TFDP2: variants seen among roughly 807,000 people sequenced by gnomAD.
TFDP2 encodes transcription factor Dp-2 (E2F dimerization partner 2).
In TFDP2, 17 loss-of-function variants were observed where a neutral mutation model predicts 59.3. The observed-to-expected ratio is 0.29, with a 90% CI of 0.20 to 0.43. TFDP2 has a LOEUF of 0.43. Ranked by LOEUF, TFDP2 falls within the 20% of genes least tolerant of loss-of-function variation. The probability of loss-of-function intolerance (pLI) is 1.00; values close to 1 mark genes in which losing one functional copy is unlikely to be tolerated. For synonymous variants in TFDP2, 180 were observed against 194.7 expected (o/e 0.92, Z 0.63); for missense variants, 391 against 528.8 (o/e 0.74, Z 2.56).
chr3:141,992,348 T>C (rs1185781733), intron 6 of TFDP2, among the ~76,000 whole-genome samples: 1 of 152,186 alleles, frequency 6.6e-6, no homozygotes, highest in Non-Finnish European at 1.5e-5. Flanking sequence ...ACTATAAATT[T>C]AACCTAACAC....
Position 141,962,405 on chromosome 3 carries a change from C to A in TFDP2, c.884+1407G>T, listed in dbSNP as rs375957678. Reference sequence around the variant, plus strand: ...ACAGAGTCTTGCTCTGTCGTCCAGGCTGGAGTGTAGTGGCACAATCTCGGT... The same window carrying A: ...ACAGAGTCTTGCTCTGTCGTCCAGGATGGAGTGTAGTGGCACAATCTCGGT... On this transcript the variant is annotated intron_variant, in intron 10 of 12. Coordinates refer to ENST00000489671, the MANE Select transcript of TFDP2 (RefSeq NM_001178139.2). 8.5e-5 allele frequency among the ~76,000 whole-genome samples: 13 copies of A among 152,052 alleles called. No individual in the cohort carries two copies. In the East Asian group the frequency reaches 2.1e-3, roughly 25 times the overall value.
intron 3 of TFDP2, among the ~76,000 whole-genome samples, chr3:142,053,189 T>C (rs182398511): frequency 3.1e-4 from 47 of 152,324 alleles, no homozygotes; most frequent in Non-Finnish European, 5.7e-4. Context: ...ATAGTTTAGA[T>C]GTTTGTCCGC....
intron 2 of TFDP2, among the ~76,000 whole-genome samples, chr3:142,099,116 A>C (rs370922820): frequency 6.6e-6 from 1 of 152,190 alleles, no homozygotes; most frequent in Non-Finnish European, 1.5e-5. Context: ...TAAGAGGGCA[A>C]TCTCTTCCCT....
At chr3:142,141,490 C>T (rs976692986) in intron 1 of TFDP2, among the ~76,000 whole-genome samples, 5 of 152,164 alleles carry the variant, frequency 3.3e-5, no homozygotes, top group Non-Finnish European at 5.9e-5. Context: ...TGTTCCTATT[C>T]GGCCATCTTG....
At chr3:142,033,354 C>A (rs1257256313) in intron 3 of TFDP2, among the ~76,000 whole-genome samples, 1 of 152,182 alleles carries the variant, frequency 6.6e-6, no homozygotes, top group East Asian at 1.9e-4. Flanking sequence ...TTCTATTAAA[C>A]ATCTCTGATC....
chr3:142,070,201 C>G (rs2060200691), intron 3 of TFDP2, among the ~76,000 whole-genome samples: 1 of 152,212 alleles, frequency 6.6e-6, no homozygotes, highest in South Asian at 2.1e-4. Flanking sequence ...GCCACCGCAC[C>G]TGGCCCAAAC....
intron 6 of TFDP2, among the ~76,000 whole-genome samples, chr3:141,981,630 T>C (rs1279877492): frequency 1.3e-5 from 2 of 152,176 alleles, no homozygotes; most frequent in Non-Finnish European, 2.9e-5. Context: ...TAATGTGAAA[T>C]CACTAAAATA....
chr3:142,015,392 T>C (rs1053930398), intron 3 of TFDP2, among the ~76,000 whole-genome samples: 1 of 152,320 alleles, frequency 6.6e-6, no homozygotes, highest in East Asian at 1.9e-4. Flanking sequence ...AAAATCTAAC[T>C]CTGGACTGCC....
chr3:142,125,017 G>A lies in TFDP2; in HGVS notation c.-92-23176C>T, dbSNP rs144722858. ...TTGAGACCAGTGTGGACAACATAAG[G>A]TGATTCCATCTTTACCGAAAAAAAA... On this transcript the variant is annotated intron_variant, in intron 1 of 12. Coordinates refer to ENST00000489671, the MANE Select transcript of TFDP2 (RefSeq NM_001178139.2). Among the ~76,000 whole-genome samples, 111 of 152,002 alleles carry A rather than the reference G, an allele frequency of 7.3e-4. 1 individual carries two copies. Among genetic ancestry groups the A allele is most frequent in the Admixed American group, 5.5e-3 (84 of 15,236 alleles).
At chr3:142,103,183 A>T (rs2061366313) in intron 1 of TFDP2, among the ~76,000 whole-genome samples, 2 of 152,228 alleles carry the variant, frequency 1.3e-5, no homozygotes, top group Middle Eastern at 3.4e-3. Context: ...GGTTGTAGTG[A>T]GCCGAGAACG....
chr3:142,121,182 AG>A lies in TFDP2; in HGVS notation c.-92-19342del, dbSNP rs1202817109. Among the ~76,000 whole-genome samples the A allele has an allele frequency of 6.6e-6, 1 of 152,192 alleles. No homozygotes were observed. The highest frequency in any genetic ancestry group is 2.1e-4 in the South Asian group (1 of 4,832). On this transcript the variant is annotated intron_variant, in intron 1 of 12. Transcript: ENST00000489671. This position sits in a 1 kb window ranked among gnomAD's most constrained non-coding sequence, Gnocchi z 4.3. ...AGTCAGAAGTTTTAACCAGCAACTG[AG>A]GGGTGATGGGGACTAATGAGAGTCA...
chr3:142,045,829 G>A (rs1367521958), intron 3 of TFDP2, among the ~76,000 whole-genome samples: 1 of 151,080 alleles, frequency 6.6e-6, no homozygotes, highest in Admixed American at 6.6e-5. Context: ...CACCATGTTG[G>A]CTAGGCTGGT....
At chr3:142,018,603 TC>T (rs758778119) in intron 3 of TFDP2, among the ~76,000 whole-genome samples, 66 of 151,938 alleles carry the variant, frequency 4.3e-4, no homozygotes, top group Admixed American at 7.2e-4. Context: ...CGCCACCACA[TC>T]CAGCTAATTT....
chr3:142,050,208 G>A (rs970426911), intron 3 of TFDP2, among the ~76,000 whole-genome samples: 2 of 149,014 alleles, frequency 1.3e-5, no homozygotes, highest in Admixed American at 6.7e-5. Flanking sequence ...AGCTTGCAGT[G>A]AGCCAAGATC....
At chr3:141,983,992 C>A (rs1482444690) in intron 6 of TFDP2, among the ~76,000 whole-genome samples, 1 of 152,158 alleles carries the variant, frequency 6.6e-6, no homozygotes, top group African/African-American at 2.4e-5. Flanking sequence ...AAAGCAGGAA[C>A]AACAGATATT....
intron 3 of TFDP2, among the ~76,000 whole-genome samples, chr3:142,037,600 A>C (rs958400073): frequency 6.6e-6 from 1 of 152,238 alleles, no homozygotes; most frequent in African/African-American, 2.4e-5. Context: ...ATTGAAACTG[A>C]GGAAGACAAA....
At chr3:142,054,972 G>T (rs1480273095) in intron 3 of TFDP2, among the ~76,000 whole-genome samples, 2 of 152,140 alleles carry the variant, frequency 1.3e-5, no homozygotes, top group Non-Finnish European at 2.9e-5. Context: ...AAGAGCCAAA[G>T]ACTGAGAAAG....
chr3:141,973,125 T>TATATATATATA (rs1559951924), intron 8 of TFDP2, among the ~76,000 whole-genome samples: 27 of 69,946 alleles, frequency 3.9e-4, no homozygotes, highest in African/African-American at 1.5e-3. Flanking sequence ...ATATATATAT[T>TATATATATATA]TTTTTTTTTT....
At chr3:142,146,493 A>AG (rs1218462814) in intron 1 of TFDP2, among the ~76,000 whole-genome samples, 1 of 152,182 alleles carries the variant, frequency 6.6e-6, no homozygotes, top group Non-Finnish European at 1.5e-5. Context: ...TAACTTACTC[A>AG]GGGTTACCCA....
Sources: allele counts gnomAD v4.1 joint callset (sites outside exome capture counted in the v4.1 genomes callset), GRCh38; gene constraint gnomAD v4.1.1; non-coding constraint Gnocchi (gnomAD v3.1); transcripts MANE v1.5; gene names NCBI Gene and HGNC (gene_info 2026-07-23, HGNC 2026-07-21).